The following PCDH15 variants were observed in gnomAD, a reference collection of about 807,000 sequenced individuals.
The protein encoded by PCDH15 is protocadherin related 15.
Under a neutral mutation model 178.5 loss-of-function variants are expected in PCDH15, and 129 were observed. That is an observed-to-expected ratio of 0.72 (90% CI 0.63 to 0.84). The LOEUF is 0.84. Among genes scored for constraint, PCDH15 ranks in the 40% least tolerant of loss-of-function variants. The pLI is 0.00. For synonymous variants in PCDH15, 800 were observed against 732.0 expected, an observed-to-expected ratio of 1.09 and a Z score of -1.50; for missense variants, 2,230 against 2,099.9, an observed-to-expected ratio of 1.06 and a Z score of -1.21.
chr10:55,400,498 TTATTTATGGCTTCTG>T (rs1449086508), intron 2 of PCDH15, among the ~76,000 whole-genome samples: 1 of 152,132 alleles, frequency 6.6e-6, no homozygotes, highest in Non-Finnish European at 1.5e-5. Context: ...TTGATCCATG[TTATTTATGGCTTCTG>T]TATTTGTGAA....
intron 13 of PCDH15, among the ~76,000 whole-genome samples, chr10:54,159,875 G>GT (rs1465167621): frequency 3.9e-5 from 6 of 152,222 alleles, no homozygotes; most frequent in African/African-American, 9.6e-5. Context: ...GTATTGCTTT[G>GT]TTTTTTCTTC....
At chr10:55,488,265 A>G (rs1565189469) in intron 2 of PCDH15, among the ~76,000 whole-genome samples, 1 of 151,606 alleles carries the variant, frequency 6.6e-6, no homozygotes, top group Non-Finnish European at 1.5e-5. Context: ...GCTAAAGTTT[A>G]TTTTAAGATG....
chr10:53,836,848 A>G (rs1401195098), intron 29 of PCDH15, among the ~76,000 whole-genome samples: 3 of 152,200 alleles, frequency 2.0e-5, no homozygotes, highest in Non-Finnish European at 4.4e-5. Flanking sequence ...CTCTGATTCA[A>G]CTCTGATTAA....
At chr10:53,957,443 C>T (rs1327449535) in intron 23 of PCDH15, among the ~76,000 whole-genome samples, 1 of 151,666 alleles carries the variant, frequency 6.6e-6, no homozygotes, top group Non-Finnish European at 1.5e-5. Flanking sequence ...GGGGGATATA[C>T]TCCAAGACCT....
intron 2 of PCDH15, among the ~76,000 whole-genome samples, chr10:54,643,637 G>T (rs553074496): frequency 6.6e-6 from 1 of 151,444 alleles, no homozygotes; most frequent in Non-Finnish European, 1.5e-5. Context: ...ACATACTTTT[G>T]TTCTCTGTTA....
intron 2 of PCDH15, among the ~76,000 whole-genome samples, chr10:54,932,855 A>T (rs148217884): frequency 2.9e-4 from 44 of 152,182 alleles, no homozygotes; most frequent in African/African-American, 5.3e-4. Flanking sequence ...TAAAGTCTAC[A>T]CTAGTGTGCA....
At chr10:54,117,182 G>A (rs1340858660) in intron 15 of PCDH15, among the ~76,000 whole-genome samples, 1 of 152,092 alleles carries the variant, frequency 6.6e-6, no homozygotes, top group African/African-American at 2.4e-5. Context: ...GTGGCAAAGG[G>A]GTGTGAAGGT....
intron 1 of PCDH15, among the ~76,000 whole-genome samples, chr10:54,787,530 T>C (rs1307398027): frequency 6.6e-6 from 1 of 151,968 alleles, no homozygotes; most frequent in African/African-American, 2.4e-5. Flanking sequence ...AGTATTCTCT[T>C]CTGCAAGGCA....
At chr10:54,006,936 G>T (rs1250821607) in intron 20 of PCDH15, among the ~76,000 whole-genome samples, 1 of 152,012 alleles carries the variant, frequency 6.6e-6, no homozygotes, top group African/African-American at 2.4e-5. Flanking sequence ...CTAGTCTCCC[G>T]TCTTCACAGA....
chr10:55,596,360 GAGTATAACACTC>G (rs940423437), intron 2 of PCDH15, among the ~76,000 whole-genome samples: 1 of 152,062 alleles, frequency 6.6e-6, no homozygotes, highest in Non-Finnish European at 1.5e-5. Context: ...AAACAGGGCT[GAGTATAACACTC>G]AGTCCCTAGA....
At chr10:53,953,116 C>A (rs574241471) in intron 23 of PCDH15, among the ~76,000 whole-genome samples, 1 of 152,372 alleles carries the variant, frequency 6.6e-6, no homozygotes, top group Admixed American at 6.5e-5. Flanking sequence ...GAGTGCATAG[C>A]CCCAGCTGTG....
intron 1 of PCDH15, among the ~76,000 whole-genome samples, chr10:54,787,529 T>C (rs1205895238): frequency 6.6e-6 from 1 of 151,990 alleles, no homozygotes; most frequent in Non-Finnish European, 1.5e-5. Context: ...AAGTATTCTC[T>C]TCTGCAAGGC....
chr10:53,972,180 A>T (rs2089761390), intron 21 of PCDH15, among the ~76,000 whole-genome samples: 1 of 152,210 alleles, frequency 6.6e-6, no homozygotes, highest in African/African-American at 2.4e-5. Context: ...CAAAACAAGA[A>T]AAAGGGAAAG....
intron 2 of PCDH15, among the ~76,000 whole-genome samples, chr10:55,095,850 C>T (rs1337723720): frequency 2.0e-5 from 3 of 152,012 alleles, no homozygotes; most frequent in Non-Finnish European, 4.4e-5. Flanking sequence ...TTGAAGGATT[C>T]ATGGTACCTA....
intron 1 of PCDH15, among the ~76,000 whole-genome samples, chr10:55,287,172 T>C (rs1164213124): frequency 6.6e-6 from 1 of 151,972 alleles, no homozygotes; most frequent in Non-Finnish European, 1.5e-5. Context: ...AGTCTTGTGT[T>C]GAGAAGAAGG....
intron 1 of PCDH15, among the ~76,000 whole-genome samples, chr10:54,741,073 C>G (rs1944738829): frequency 1.3e-5 from 2 of 151,734 alleles, no homozygotes; most frequent in Admixed American, 1.3e-4. Flanking sequence ...ACCCCAATTA[C>G]CTTAATTTGA....
intron 10 of PCDH15, among the ~76,000 whole-genome samples, chr10:54,200,447 G>A (rs927532172): frequency 2.0e-5 from 3 of 151,536 alleles, no homozygotes; most frequent in Non-Finnish European, 4.4e-5. Context: ...GACAGGCCCC[G>A]GTGTGTGATG....
chr10:54,440,063 A>G (rs1171584741), intron 3 of PCDH15, among the ~76,000 whole-genome samples: 3 of 152,154 alleles, frequency 2.0e-5, no homozygotes, highest in Admixed American at 2.0e-4. Flanking sequence ...CTGGGGGGAA[A>G]AAAACTTCAC....
intron 3 of PCDH15, among the ~76,000 whole-genome samples, chr10:54,513,293 C>A (rs1263102036): frequency 6.6e-6 from 1 of 151,298 alleles, no homozygotes; most frequent in African/African-American, 2.4e-5. Flanking sequence ...CACAGTCTCA[C>A]TCTGTCACCT....
Sources: gnomAD v4.1 joint callset for allele counts (sites outside exome capture counted in the v4.1 genomes callset) on GRCh38, gnomAD v4.1.1 for gene constraint, MANE v1.5 for transcripts, NCBI Gene and HGNC (gene_info 2026-07-23, HGNC 2026-07-21) for gene names.